Variants in KCNN2 observed in about 807,000 individuals in gnomAD.
The protein encoded by KCNN2 is potassium calcium-activated channel subfamily N member 2, also known as small conductance calcium-activated potassium channel protein 2.
KCNN2 carries 24 observed loss-of-function variants against 55.5 expected under a neutral mutation model. The observed-to-expected ratio is 0.43, with a 90% confidence interval of 0.31 to 0.61. The LOEUF (loss-of-function observed/expected upper bound fraction) is 0.61. Among genes scored for constraint, KCNN2 ranks in the 20% least tolerant of loss-of-function variants. KCNN2 has a pLI of 0.08. For synonymous variants in KCNN2, 431 were observed against 336.1 expected (o/e 1.28, Z -3.09); for missense variants, 754 against 853.6 (o/e 0.88, Z 1.45).
chr5:114,240,427 C>CTT (rs201223682), intron 2 of KCNN2, among the ~76,000 whole-genome samples: 26 of 130,434 alleles, frequency 2.0e-4, no homozygotes, highest in Non-Finnish European at 3.3e-4. Context: ...TTTTCTTTCT[C>CTT]TTTTTTTTTT....
intron 2 of KCNN2, among the ~76,000 whole-genome samples, chr5:114,386,824 CTATT>C (rs1343882625): frequency 2.0e-5 from 3 of 152,206 alleles, no homozygotes; most frequent in Non-Finnish European, 2.9e-5. Context: ...ATTTCAGTCT[CTATT>C]TACTATCCCG....
intron 1 of KCNN2, among the ~76,000 whole-genome samples, chr5:114,070,181 C>T (rs1458530663): frequency 6.6e-6 from 1 of 152,146 alleles, no homozygotes; most frequent in Non-Finnish European, 1.5e-5. Flanking sequence ...TCTCGACTGT[C>T]TCATCCCTGG....
At chr5:114,334,233 C>T (rs1001855485) in intron 2 of KCNN2, among the ~76,000 whole-genome samples, 18 of 151,390 alleles carry the variant, frequency 1.2e-4, no homozygotes, top group African/African-American at 3.2e-4. Flanking sequence ...CTCTGACCCA[C>T]GATGTGGAAT....
intron 1 of KCNN2, among the ~76,000 whole-genome samples, chr5:114,090,695 A>G (rs1751125388): frequency 1.3e-5 from 2 of 152,228 alleles, no homozygotes; most frequent in African/African-American, 2.4e-5. Flanking sequence ...ATGGCTTAAA[A>G]TGTATTTTTC....
chr5:114,103,753 C>G (rs1455878104), intron 1 of KCNN2, among the ~76,000 whole-genome samples: 1 of 152,142 alleles, frequency 6.6e-6, no homozygotes, highest in East Asian at 1.9e-4. Context: ...GTTGAATCAG[C>G]CTTGCATCCC....
intron 2 of KCNN2, among the ~76,000 whole-genome samples, chr5:114,323,262 C>T (rs1024732745): frequency 9.9e-5 from 15 of 152,252 alleles, no homozygotes; most frequent in East Asian, 9.6e-4. Context: ...GTCACATTTC[C>T]GGAGTTTAAA....
intron 3 of KCNN2, among the ~76,000 whole-genome samples, chr5:114,447,596 ACAGT>A (rs1760468440): frequency 6.6e-6 from 1 of 152,210 alleles, no homozygotes. Context: ...TAACTGCAAA[ACAGT>A]CAAAGTGCAG....
chr5:114,110,737 G>C (rs1397561807), intron 1 of KCNN2, among the ~76,000 whole-genome samples: 1 of 151,978 alleles, frequency 6.6e-6, no homozygotes, highest in African/African-American at 2.4e-5. Flanking sequence ...TTCTGGGATA[G>C]GTAGAAGAGT....
chr5:114,376,490 A>G (rs1349005940), intron 2 of KCNN2, among the ~76,000 whole-genome samples: 2 of 152,186 alleles, frequency 1.3e-5, no homozygotes, highest in Non-Finnish European at 2.9e-5. Flanking sequence ...ATGCTGCCAT[A>G]TGGGAACACA....
chr5:114,090,205 T>G (rs1751108601), intron 1 of KCNN2, among the ~76,000 whole-genome samples: 2 of 152,152 alleles, frequency 1.3e-5, no homozygotes, highest in Admixed American at 6.6e-5. Flanking sequence ...TCTGTACAAG[T>G]CAGTAAGTCA....
At chr5:114,471,924 T>C (rs1761764708) in intron 4 of KCNN2, among the ~76,000 whole-genome samples, 1 of 152,176 alleles carries the variant, frequency 6.6e-6, no homozygotes, top group South Asian at 2.1e-4. Context: ...CAAAGATGGA[T>C]TCTTTGGTCT....
At chr5:114,179,185 G>A (rs1561511474) in intron 1 of KCNN2, among the ~76,000 whole-genome samples, 1 of 152,182 alleles carries the variant, frequency 6.6e-6, no homozygotes, top group Non-Finnish European at 1.5e-5. Context: ...AATGGTTCCA[G>A]CTCAGATTCT....
intron 2 of KCNN2, among the ~76,000 whole-genome samples, chr5:114,367,274 A>G (rs1757628731): frequency 6.6e-6 from 1 of 152,224 alleles, no homozygotes; most frequent in African/African-American, 2.4e-5. Context: ...TACCACAGAC[A>G]GCTCAGTGCA....
At chr5:114,323,649 A>ATTTTTTTTTTTTTTTTTT (rs6149185) in intron 2 of KCNN2, among the ~76,000 whole-genome samples, 2,689 of 85,114 alleles carry the variant, frequency 0.032, 615 homozygotes, top group Non-Finnish European at 0.046. Flanking sequence ...AAACATATCA[A>ATTTTTTTTTTTTTTTTTT]TTTTTTTTTT....
chr5:114,337,467 A>T (rs1756941952), intron 2 of KCNN2, among the ~76,000 whole-genome samples: 1 of 152,216 alleles, frequency 6.6e-6, no homozygotes, highest in Non-Finnish European at 1.5e-5. Flanking sequence ...GACATATGAA[A>T]AACTGAATCC....
chr5:114,460,127 G>A (rs907342150), intron 3 of KCNN2, among the ~76,000 whole-genome samples: 3 of 152,134 alleles, frequency 2.0e-5, no homozygotes, highest in African/African-American at 4.8e-5. Flanking sequence ...TGCAGGCAAC[G>A]GCCATGAAGG....
intron 1 of KCNN2, among the ~76,000 whole-genome samples, chr5:114,163,899 T>C (rs981184895): frequency 6.9e-6 from 1 of 145,554 alleles, no homozygotes; most frequent in Non-Finnish European, 1.5e-5. Flanking sequence ...GCTGAGATAT[T>C]GATGAGAAAT....
chr5:114,371,484 C>T (rs1038693701), intron 2 of KCNN2, among the ~76,000 whole-genome samples: 1 of 152,054 alleles, frequency 6.6e-6, no homozygotes, highest in Non-Finnish European at 1.5e-5. Flanking sequence ...TTAAGGAGGG[C>T]ATAGCACTCT....
At chr5:114,371,602 T>A (rs163304) in intron 2 of KCNN2, among the ~76,000 whole-genome samples, 73,152 of 151,936 alleles carry the variant, frequency 0.48, 18,468 homozygotes, top group East Asian at 0.85. Flanking sequence ...GTGGAGTGGT[T>A]GAGACAGAAA....
Sources: gnomAD v4.1 joint callset for allele counts (sites outside exome capture counted in the v4.1 genomes callset) on GRCh38, gnomAD v4.1.1 for gene constraint, MANE v1.5 for transcripts, NCBI Gene and HGNC (gene_info 2026-07-23, HGNC 2026-07-21) for gene names.